The following ADAMTSL3 variants were observed in gnomAD, a reference collection of about 807,000 sequenced individuals.
ADAMTSL3 encodes the protein ADAMTS like 3.
A neutral mutation model predicts 201.7 loss-of-function variants in ADAMTSL3; 128 were observed. The ratio of observed to expected loss-of-function variants is 0.63; its 90% CI spans 0.55 to 0.73. The LOEUF (loss-of-function observed/expected upper bound fraction) is 0.73. ADAMTSL3 is among the 30% of genes least tolerant of loss of function. ADAMTSL3 has a pLI of 0.00. For synonymous variants in ADAMTSL3, 738 were observed against 748.4 expected (o/e 0.99, Z 0.23); for missense variants, 1,990 against 2,119.6 (o/e 0.94, Z 1.20).
chr15:83,664,382 A>G (rs1289472843), intron 2 of ADAMTSL3, among the ~76,000 whole-genome samples: 3 of 151,984 alleles, frequency 2.0e-5, no homozygotes, highest in Non-Finnish European at 4.4e-5. Context: ...TGCATGAGCT[A>G]CCATGCACCA....
rs1027692273 is a variant in ADAMTSL3, at chr15:83,796,433, T to G, written c.318-8217T>G. On this transcript the variant is annotated intron_variant, in intron 4 of 29. Transcript: ENST00000286744. ...CAAAAGGCAGTACTAGTAAAATATA[T>G]GGTATGTTGTAATAAGTTCAATAAA... Among the ~76,000 whole-genome samples, 3 of 152,186 alleles carry G rather than the reference T, an allele frequency of 2.0e-5. No individual in the cohort carries two copies. In the East Asian group the frequency reaches 5.8e-4, roughly 29 times the overall value.
intron 2 of ADAMTSL3, among the ~76,000 whole-genome samples, chr15:83,674,698 T>TATATATACATATATACACAC (rs1567063990): frequency 6.4e-5 from 8 of 124,238 alleles, no homozygotes; most frequent in African/African-American, 2.2e-4. Context: ...TATATACACA[T>TATATATACATATATACACAC]ATATATACAT....
In ADAMTSL3 at chr15:83,870,881, A is replaced by G. The variant is rs140752348; in HGVS notation, c.882A>G (p.Thr294=). Residue 294 remains threonine (T), a synonymous_variant, in exon 9 of 30, where the codon ACA becomes ACG. Coordinates refer to ENST00000286744, the MANE Select transcript of ADAMTSL3 (RefSeq NM_207517.3). ...NSPGVFLVEN[T]TVEFQRGSER... is the part of the protein sequence containing the mutation. Reference sequence around the variant, plus strand: ...CCGGCGTCTTTCTCGTAGAAAACACAACAGTGGAATTTCAGAGGGGCTCCG... The same window carrying G: ...CCGGCGTCTTTCTCGTAGAAAACACGACAGTGGAATTTCAGAGGGGCTCCG... The G allele has an allele frequency of 1.2e-6, 2 of 1,613,438 alleles. No homozygotes were observed. The highest frequency in any genetic ancestry group is 1.3e-5 in the African/African-American group (1 of 74,892).
At chr15:83,831,668 A>G (rs2064159862) in intron 6 of ADAMTSL3, among the ~76,000 whole-genome samples, 1 of 152,120 alleles carries the variant, frequency 6.6e-6, no homozygotes, top group Admixed American at 6.5e-5. Context: ...AGCTGGGACT[A>G]CAGGTGTGCC....
chr15:83,960,388 C>A (rs1367739201), intron 19 of ADAMTSL3, among the ~76,000 whole-genome samples: 7 of 152,108 alleles, frequency 4.6e-5, no homozygotes, highest in Admixed American at 3.3e-4. Flanking sequence ...TGAGAGCTGA[C>A]AAATATTTCC....
chr15:83,942,947 C>A lies in ADAMTSL3; in HGVS notation c.2355C>A (p.Thr785=). ...GGGGAACTCAGAACAGAAGAGTCAC[C>A]TGTCGGCAGCTGCTAACGGATGGCA... is the stretch of plus-strand genomic sequence containing the variant. ...CGGGTQNRRV[T]CRQLLTDGSF... The change falls in exon 19 of 30, where the codon ACC becomes ACA. Residue 785 remains threonine (T), a synonymous_variant. Transcript: ENST00000286744. 6.2e-7 allele frequency: 1 copy of A among 1,612,746 alleles called. No homozygotes were observed. Among genetic ancestry groups the A allele is most frequent in the Non-Finnish European group, 8.5e-7 (1 of 1,179,236 alleles).
chr15:83,862,114 C>T (rs951824143), intron 8 of ADAMTSL3: 33 of 152,214 alleles, frequency 2.2e-4, no homozygotes, highest in African/African-American at 7.5e-4. Context: ...AAATATGGGA[C>T]TATGTGAAAA....
At chr15:83,898,077 T>C in intron 14 of ADAMTSL3, 72 bp downstream of exon 14, 3 of 1,493,442 alleles carry the variant, frequency 2.0e-6, no homozygotes, top group Non-Finnish European at 2.7e-6. Flanking sequence ...TTGTAGCATT[T>C]CCCTTTCAAC....
chr15:83,965,361 A>AAT (rs2142106465), intron 19 of ADAMTSL3, among the ~76,000 whole-genome samples: 1 of 151,650 alleles, frequency 6.6e-6, no homozygotes, highest in Admixed American at 6.6e-5. Context: ...AAAAAAAAAA[A>AAT]AAAAAAAGCA....
At chr15:84,002,416 A>G (rs2067806826) in intron 23 of ADAMTSL3, among the ~76,000 whole-genome samples, 1 of 152,076 alleles carries the variant, frequency 6.6e-6, no homozygotes, top group Non-Finnish European at 1.5e-5. Flanking sequence ...CCACCAGTAC[A>G]TTTCTCTGTC....
chr15:83,806,657 A>G (rs1013171390), intron 5 of ADAMTSL3, among the ~76,000 whole-genome samples: 1 of 152,056 alleles, frequency 6.6e-6, no homozygotes, highest in African/African-American at 2.4e-5. Flanking sequence ...AGTTTAAGAC[A>G]AGCCTGGCCA....
At chr15:83,883,492 G>T (rs1327101384) in intron 9 of ADAMTSL3, among the ~76,000 whole-genome samples, 4 of 147,848 alleles carry the variant, frequency 2.7e-5, no homozygotes, top group Non-Finnish European at 6.0e-5. Flanking sequence ...TATTTTTATT[G>T]TTAAAATTTT....
chr15:83,901,716 G>C (rs1244095393), intron 15 of ADAMTSL3, among the ~76,000 whole-genome samples: 1 of 151,522 alleles, frequency 6.6e-6, no homozygotes, highest in Non-Finnish European at 1.5e-5. Context: ...AATATCTGTA[G>C]ACCTTCCAAC....
intron 6 of ADAMTSL3, among the ~76,000 whole-genome samples, chr15:83,823,077 T>G (rs1180014544): frequency 6.6e-6 from 1 of 151,360 alleles, no homozygotes; most frequent in South Asian, 2.1e-4. Flanking sequence ...CGCCTGCAAA[T>G]TGCAGGCACT....
intron 2 of ADAMTSL3, among the ~76,000 whole-genome samples, chr15:83,677,374 G>T (rs565979723): frequency 1.3e-5 from 2 of 152,208 alleles, no homozygotes; most frequent in Non-Finnish European, 2.9e-5. Flanking sequence ...GAGAGATGAT[G>T]AAATCCTCAA....
Position 83,773,517 on chromosome 15 carries a change from A to G in ADAMTSL3, c.190-6A>G, listed in dbSNP as rs201820514. 113 of 1,613,652 alleles carry G rather than the reference A, an allele frequency of 7.0e-5. No homozygotes were observed. Among genetic ancestry groups the G allele is most frequent in the Admixed American group, 1.8e-4 (11 of 59,982 alleles). ...TTTTTTTGTTTGTTTGCTTTTTAAC[A>G]TCTAGACCTCAAGAAACACTCGTTC... On this transcript the variant is annotated splice_polypyrimidine_tract_variant and splice_region_variant and intron_variant, in intron 3 of 29. Transcript: ENST00000286744.
chr15:84,038,955 AG>A lies in ADAMTSL3; in HGVS notation c.*1151del, dbSNP rs1444486696. 1.7e-4 allele frequency: 26 copies of A among 152,572 alleles called. No homozygotes were observed. Among genetic ancestry groups the A allele is most frequent in the Admixed American group, 1.6e-3 (25 of 15,296 alleles). 9.5% of individuals were successfully genotyped at this position (152,572 alleles called of 1,614,324 possible). A position where few individuals can be genotyped will look rare whatever the true frequency, so the allele number is the denominator to read the frequency against. ...TAAGGGTTAGGGTTAGGACCAGGTT[AG>A]GTCAGGGTTGGATTGGGTTTAGATT... On this transcript the variant is annotated 3_prime_UTR_variant, in exon 30 of 30. Coordinates refer to ENST00000286744, the MANE Select transcript of ADAMTSL3 (RefSeq NM_207517.3).
At chr15:83,753,201 T>G (rs1446710221) in intron 3 of ADAMTSL3, among the ~76,000 whole-genome samples, 1 of 152,204 alleles carries the variant, frequency 6.6e-6, no homozygotes, top group Non-Finnish European at 1.5e-5. Context: ...GTCATCTACA[T>G]GAGGCCATTA....
At chr15:83,798,117 G>A (rs2063457416) in intron 4 of ADAMTSL3, among the ~76,000 whole-genome samples, 1 of 152,100 alleles carries the variant, frequency 6.6e-6, no homozygotes, top group African/African-American at 2.4e-5. Flanking sequence ...ACTGCAGAAG[G>A]TTTTTGGCAC....
Sources: allele counts gnomAD v4.1 joint callset (sites outside exome capture counted in the v4.1 genomes callset), GRCh38; gene constraint gnomAD v4.1.1; transcripts MANE v1.5; gene names NCBI Gene and HGNC (gene_info 2026-07-23, HGNC 2026-07-21).